NBAS: variants seen among roughly 807,000 people sequenced by gnomAD.
NBAS encodes the protein NAG/BC035112 fusion.
A neutral mutation model predicts 302.5 loss-of-function variants in NBAS; 219 were observed. The ratio of observed to expected loss-of-function variants is 0.72; its 90% CI spans 0.65 to 0.81. NBAS has a LOEUF of 0.81. NBAS is among the 30% of genes least tolerant of loss of function. NBAS has a pLI of 0.00. For missense variants in NBAS, 2,932 were observed against 2,841.6 expected (o/e 1.03, Z -0.72); for synonymous variants, 1,118 against 1,021.6 (o/e 1.09, Z -1.80).
chr2:14,946,435 G>A, the NBAS span, among the ~76,000 whole-genome samples: 1 of 152,046 alleles, frequency 6.6e-6, no homozygotes, highest in Admixed American at 6.5e-5. Flanking sequence ...ACTGTAAAAA[G>A]AGAAAAAGAA....
intron 21 of NBAS, among the ~76,000 whole-genome samples, chr2:15,429,108 T>C (rs1677632031): frequency 1.3e-5 from 2 of 150,898 alleles, no homozygotes; most frequent in Admixed American, 6.6e-5. Context: ...AGCAGAGCAA[T>C]GTTCCACAAA....
chr2:14,908,077 C>T, the NBAS span, among the ~76,000 whole-genome samples: 84,431 of 152,060 alleles, frequency 0.56, 24,287 homozygotes, highest in African/African-American at 0.69. Context: ...CATTAAAGTA[C>T]AGGGGGCCAG....
At chr2:14,874,630 ACT>A in the NBAS span, among the ~76,000 whole-genome samples, 6 of 145,734 alleles carry the variant, frequency 4.1e-5, no homozygotes, top group South Asian at 8.5e-4. Flanking sequence ...ACAAAGCGAG[ACT>A]CTGTCTCAAA....
chr2:15,465,780 T>A (rs903789768), intron 19 of NBAS, among the ~76,000 whole-genome samples: 2 of 152,190 alleles, frequency 1.3e-5, no homozygotes, highest in Non-Finnish European at 2.9e-5. Flanking sequence ...ATATACTTAC[T>A]ACTATCATAT....
chr2:15,548,097 TTTTGTG>T (rs1415152244), intron 6 of NBAS, among the ~76,000 whole-genome samples: 2 of 152,232 alleles, frequency 1.3e-5, no homozygotes, highest in Non-Finnish European at 2.9e-5. Flanking sequence ...ACATGTACAC[TTTTGTG>T]AATTTCTAAA....
the NBAS span, among the ~76,000 whole-genome samples, chr2:14,784,805 C>G: frequency 6.6e-6 from 1 of 152,114 alleles, no homozygotes; most frequent in East Asian, 1.9e-4. Flanking sequence ...GATGCAGGCT[C>G]TTTTTTGGTT....
At chr2:15,470,317 A>G (rs1679904719) in intron 16 of NBAS, among the ~76,000 whole-genome samples, 1 of 152,214 alleles carries the variant, frequency 6.6e-6, no homozygotes. Context: ...ACAACAGTAG[A>G]TAAATGCCTA....
the NBAS span, among the ~76,000 whole-genome samples, chr2:14,831,962 T>A: frequency 3.9e-5 from 6 of 152,180 alleles, no homozygotes; most frequent in African/African-American, 1.4e-4. Flanking sequence ...AGCCAATCAG[T>A]CAATGACTCA....
At chr2:15,252,012 CAT>C in intron 44 of NBAS, among the ~76,000 whole-genome samples, 1 of 152,264 alleles carries the variant, frequency 6.6e-6, no homozygotes, top group Middle Eastern at 3.4e-3. Context: ...AAGCGCCCTG[CAT>C]ACTGAGCTGA....
At chr2:15,046,339 A>G in the NBAS span, among the ~76,000 whole-genome samples, 2 of 152,216 alleles carry the variant, frequency 1.3e-5, no homozygotes, top group African/African-American at 2.4e-5. Context: ...TCCAATTCAT[A>G]TAGTCTTAAA....
the NBAS span, among the ~76,000 whole-genome samples, chr2:14,883,072 C>T: frequency 2.0e-5 from 3 of 152,064 alleles, no homozygotes; most frequent in Non-Finnish European, 4.4e-5. Flanking sequence ...CTAAAATGTG[C>T]GTGAAATACG....
rs546358524 is a variant in NBAS at position 15,231,030 on chromosome 2, T to C, written c.6236+1392A>G. Among the ~76,000 whole-genome samples the C allele has an allele frequency of 2.0e-5, 3 of 152,306 alleles. No homozygotes were observed. In the South Asian group the frequency reaches 6.2e-4, roughly 32 times the overall value. ...TCCACTCTGCCTTCTGTACAGCGCT[T>C]CCCATTCTATAGCACAGTGACTATG... On this transcript the variant is annotated intron_variant, in intron 47 of 51. Coordinates refer to ENST00000281513, the MANE Select transcript of NBAS (RefSeq NM_015909.4).
rs2147884568 is a variant in NBAS at position 15,218,867 on chromosome 2, A to C, written c.6338T>G (p.Leu2113Trp). 1.2e-6 allele frequency: 2 copies of C among 1,614,290 alleles called. No individual in the cohort carries two copies. The highest frequency in any genetic ancestry group is 1.1e-5 in the South Asian group (1 of 91,090). The change falls in exon 48 of 52, where the codon TTG becomes TGG. Residue 2113 changes from leucine (L) to tryptophan (W), a missense_variant. Coordinates refer to ENST00000281513, the MANE Select transcript of NBAS (RefSeq NM_015909.4). ...VRPRIHVLQI[L>W]GQSFHLTEED... ...CTCAGTCAGGTGAAATGATTGCCCCAAAATCTGCAGCACGTGAATGCGGGG... is the reference window on the plus strand; with the variant it reads ...CTCAGTCAGGTGAAATGATTGCCCCCAAATCTGCAGCACGTGAATGCGGGG...
the NBAS span, among the ~76,000 whole-genome samples, chr2:14,935,119 T>G: frequency 1.3e-5 from 2 of 152,232 alleles, no homozygotes; most frequent in Non-Finnish European, 2.9e-5. Flanking sequence ...CCAATTACTT[T>G]ATGTCCTGCA....
chr2:15,423,568 A>T (rs1279954744), intron 23 of NBAS, among the ~76,000 whole-genome samples: 1 of 152,188 alleles, frequency 6.6e-6, no homozygotes, highest in Non-Finnish European at 1.5e-5. Flanking sequence ...ATTACCTCCC[A>T]TGGTACTGCT....
intron 23 of NBAS, 127 bp downstream of exon 23, chr2:15,424,188 A>G: frequency 1.0e-6 from 1 of 961,678 alleles, no homozygotes; most frequent in Non-Finnish European, 1.6e-6. Flanking sequence ...ATAAATATTC[A>G]ATTCATCTCT....
At chr2:15,159,172 C>T in the NBAS span, among the ~76,000 whole-genome samples, 8 of 152,122 alleles carry the variant, frequency 5.3e-5, no homozygotes, top group African/African-American at 1.4e-4. Flanking sequence ...AGGGGGCCTT[C>T]GGTTTGCACT....
At chr2:15,267,572 G>A (rs543295506) in intron 44 of NBAS, among the ~76,000 whole-genome samples, 2 of 152,172 alleles carry the variant, frequency 1.3e-5, no homozygotes, top group Non-Finnish European at 2.9e-5. Context: ...TAGAAGCTTC[G>A]CAAATGCAGT....
chr2:14,896,050 T>C, the NBAS span, among the ~76,000 whole-genome samples: 1 of 150,994 alleles, frequency 6.6e-6, no homozygotes. Context: ...ATAAGAAAAC[T>C]AAGAATCTCT....
Sources: gnomAD v4.1 joint callset for allele counts (sites outside exome capture counted in the v4.1 genomes callset) on GRCh38, gnomAD v4.1.1 for gene constraint, MANE v1.5 for transcripts, NCBI Gene and HGNC (gene_info 2026-07-23, HGNC 2026-07-21) for gene names.